Variants in ZNF804A observed in about 807,000 individuals in gnomAD.
The protein encoded by ZNF804A is zinc finger protein 804A.
Under a neutral mutation model 16.5 loss-of-function variants are expected in ZNF804A, and 2 were observed. The observed-to-expected ratio is 0.12, with a 90% CI of 0.05 to 0.38. The LOEUF (loss-of-function observed/expected upper bound fraction) is 0.38, where lower values mean the gene tolerates loss of function less well. Among genes scored for constraint, ZNF804A ranks in the 10% least tolerant of loss-of-function variants. The pLI, the probability that ZNF804A is intolerant of heterozygous loss-of-function variation, is 0.99. For missense variants in ZNF804A, 1,473 were observed against 1,390.7 expected (o/e 1.06, Z -0.94); for synonymous variants, 534 against 489.6 (o/e 1.09, Z -1.20).
At chr2:184,846,880 G>A (rs1323615656) in intron 1 of ZNF804A, among the ~76,000 whole-genome samples, 1 of 152,076 alleles carries the variant, frequency 6.6e-6, no homozygotes, top group Non-Finnish European at 1.5e-5. Flanking sequence ...GATAAGTATA[G>A]CTAAGTAGAA....
chr2:184,658,779 G>A (rs1206734244), intron 1 of ZNF804A, among the ~76,000 whole-genome samples: 2 of 152,162 alleles, frequency 1.3e-5, no homozygotes, highest in Non-Finnish European at 2.9e-5. Flanking sequence ...TGAGCCAAAG[G>A]AGAATCTTTT....
chr2:184,639,370 G>C lies in ZNF804A; in HGVS notation c.111+40300G>C, dbSNP rs540081855. ...ATTACAGGTATCAGCCACCGCGCCTGGCCTAGGAAGCCCTTTTCAAACATT... is the reference window on the plus strand; with the variant it reads ...ATTACAGGTATCAGCCACCGCGCCTCGCCTAGGAAGCCCTTTTCAAACATT... On this transcript the variant is annotated intron_variant, in intron 1 of 3. Coordinates refer to ENST00000302277, the MANE Select transcript of ZNF804A (RefSeq NM_194250.2). 4.0e-5 allele frequency among the ~76,000 whole-genome samples: 6 copies of C among 151,794 alleles called. No individual in the cohort carries two copies. The South Asian group carries it at 1.3e-3, about 32-fold the overall frequency.
At chr2:184,691,997 T>C (rs1219658012) in intron 1 of ZNF804A, among the ~76,000 whole-genome samples, 1 of 152,176 alleles carries the variant, frequency 6.6e-6, no homozygotes, top group Non-Finnish European at 1.5e-5. Flanking sequence ...TATTAGATGT[T>C]ACTTTCTCTT....
At chr2:184,614,369 G>A (rs2105674474) in intron 1 of ZNF804A, among the ~76,000 whole-genome samples, 1 of 152,268 alleles carries the variant, frequency 6.6e-6, no homozygotes, top group East Asian at 1.9e-4. Context: ...CAGGACATAG[G>A]TATGGGCAAA....
At chr2:184,600,237 G>A (rs913091684) in intron 1 of ZNF804A, among the ~76,000 whole-genome samples, 7 of 152,154 alleles carry the variant, frequency 4.6e-5, no homozygotes, top group Non-Finnish European at 7.4e-5. Flanking sequence ...ATGCTGTGAT[G>A]TGTGTTTTCC....
At chr2:184,615,178 C>T (rs184774733) in intron 1 of ZNF804A, among the ~76,000 whole-genome samples, 101 of 152,284 alleles carry the variant, frequency 6.6e-4, no homozygotes, top group Non-Finnish European at 1.1e-3. Flanking sequence ...CAATGTGGCA[C>T]ATATACACCA....
rs543743149 is a variant in ZNF804A, at chr2:184,748,651, T to A, written c.112-117718T>A. The stretch of plus-strand genomic sequence containing the variant: ...TTTAATTAGGCCCTATTTGTCAATT[T>A]CTGTTTTTGTTGCAATAGCTTCTGA... On this transcript the variant is annotated intron_variant, in intron 1 of 3. Transcript: ENST00000302277. Among the ~76,000 whole-genome samples, 15 of 151,274 alleles carry A rather than the reference T, an allele frequency of 9.9e-5. No individual in the cohort carries two copies. In the East Asian group the frequency reaches 2.7e-3, roughly 27 times the overall value.
intron 1 of ZNF804A, among the ~76,000 whole-genome samples, chr2:184,721,868 G>A (rs1303184973): frequency 6.6e-6 from 1 of 151,962 alleles, no homozygotes; most frequent in Non-Finnish European, 1.5e-5. Context: ...ACTGATAAAG[G>A]AAATGTGATA....
At position 184,748,928 on chromosome 2, in the gene ZNF804A, C is replaced by T. The variant is rs1002570648; in HGVS notation, c.112-117441C>T. 2.0e-5 allele frequency among the ~76,000 whole-genome samples: 3 copies of T among 151,482 alleles called. No homozygotes were observed. The Admixed American group carries it at 2.0e-4, about 10-fold the overall frequency. Reference sequence around the variant, plus strand: ...CGGCTTTATTTCTGAGTTTTCTAGTCTGTTCCATTGGTCTGTGTGTCTGTT... The same window carrying T: ...CGGCTTTATTTCTGAGTTTTCTAGTTTGTTCCATTGGTCTGTGTGTCTGTT... On this transcript the variant is annotated intron_variant, in intron 1 of 3. Transcript: ENST00000302277.
intron 1 of ZNF804A, among the ~76,000 whole-genome samples, chr2:184,856,280 T>C (rs1348110818): frequency 2.6e-5 from 4 of 152,076 alleles, no homozygotes; most frequent in Non-Finnish European, 5.9e-5. Context: ...AAGCCATCTT[T>C]CCAAATTTCT....
intron 1 of ZNF804A, among the ~76,000 whole-genome samples, chr2:184,813,624 A>G (rs1037035020): frequency 6.6e-6 from 1 of 152,102 alleles, no homozygotes; most frequent in African/African-American, 2.4e-5. Flanking sequence ...CAGAAATTTA[A>G]GAAGTGAATG....
At position 184,769,882 on chromosome 2, in the gene ZNF804A, A is replaced by AT. The variant is rs558422061; in HGVS notation, c.112-96480dup. Among the ~76,000 whole-genome samples the AT allele has an allele frequency of 4.6e-5, 7 of 152,154 alleles. No homozygotes were observed. In the South Asian group the frequency reaches 1.2e-3, roughly 27 times the overall value. ...CATTATTAACAACCTTCAAGAAAGC[A>AT]TTTTTTTAGAAGTTGGGCTTGAAAG... On this transcript the variant is annotated intron_variant, in intron 1 of 3. Transcript: ENST00000302277.
intron 1 of ZNF804A, among the ~76,000 whole-genome samples, chr2:184,680,725 C>A (rs1001595706): frequency 6.6e-6 from 1 of 152,246 alleles, no homozygotes. Context: ...TTGGGACCCA[C>A]TGAATGGCAG....
At chr2:184,652,699 C>A (rs372152960) in intron 1 of ZNF804A, among the ~76,000 whole-genome samples, 5 of 152,196 alleles carry the variant, frequency 3.3e-5, no homozygotes, top group Admixed American at 2.6e-4. Flanking sequence ...CTTTTGATCT[C>A]TTTCTATATG....
At chr2:184,886,197 T>A (rs1309287798) in intron 2 of ZNF804A, among the ~76,000 whole-genome samples, 1 of 152,076 alleles carries the variant, frequency 6.6e-6, no homozygotes, top group Admixed American at 6.5e-5. Context: ...CCCGTGCAAA[T>A]CTTAAATCCA....
chr2:184,844,080 A>G (rs2105801054), intron 1 of ZNF804A, among the ~76,000 whole-genome samples: 1 of 152,108 alleles, frequency 6.6e-6, no homozygotes, highest in African/African-American at 2.4e-5. Flanking sequence ...AGAGTTTACA[A>G]TGTACATTTT....
At chr2:184,703,953 A>G (rs1038371575) in intron 1 of ZNF804A, among the ~76,000 whole-genome samples, 2 of 152,078 alleles carry the variant, frequency 1.3e-5, no homozygotes, top group African/African-American at 4.8e-5. Flanking sequence ...TTTTTTCAAA[A>G]TTACAAAATT....
intron 1 of ZNF804A, among the ~76,000 whole-genome samples, chr2:184,754,514 C>A (rs1435143512): frequency 6.6e-6 from 1 of 151,720 alleles, no homozygotes; most frequent in Non-Finnish European, 1.5e-5. Flanking sequence ...CAAGTCATTC[C>A]CTATTTCAGC....
chr2:184,694,860 G>T (rs1692802082), intron 1 of ZNF804A, among the ~76,000 whole-genome samples: 1 of 152,184 alleles, frequency 6.6e-6, no homozygotes, highest in Non-Finnish European at 1.5e-5. Flanking sequence ...CTAGGCAAAG[G>T]TGTCTTGTCA....
Sources: allele counts gnomAD v4.1 joint callset (sites outside exome capture counted in the v4.1 genomes callset), GRCh38; gene constraint gnomAD v4.1.1; transcripts MANE v1.5; gene names NCBI Gene and HGNC (gene_info 2026-07-23, HGNC 2026-07-21).